KANSL1: variants seen among roughly 807,000 people sequenced by gnomAD.
KANSL1 encodes KAT8 regulatory NSL complex subunit 1.
Under a neutral mutation model 103.6 loss-of-function variants are expected in KANSL1, and 22 were observed. The observed-to-expected ratio is 0.21, with a 90% CI of 0.15 to 0.30. KANSL1 has a LOEUF of 0.30. KANSL1 is among the 10% of genes least tolerant of loss of function. The probability of loss-of-function intolerance (pLI) is 1.00; values close to 1 mark genes in which losing one functional copy is unlikely to be tolerated. For missense variants in KANSL1, 1,337 were observed against 1,399.8 expected (o/e 0.96, Z 0.72); for synonymous variants, 600 against 527.6 (o/e 1.14, Z -1.88).
intron 4 of KANSL1, among the ~76,000 whole-genome samples, chr17:46,070,973 T>A (rs1216532540): frequency 2.6e-5 from 4 of 152,184 alleles, no homozygotes; most frequent in African/African-American, 9.7e-5. Context: ...TTTATCTTTC[T>A]TATACAAAGT....
intron 2 of KANSL1, among the ~76,000 whole-genome samples, chr17:46,136,727 C>T (rs1461493989): frequency 6.6e-6 from 1 of 152,214 alleles, no homozygotes. Context: ...AAATTTACAT[C>T]ATATCCTTCT....
Position 46,171,251 on chromosome 17 carries a change from G to C in KANSL1, c.893C>G (p.Ala298Gly), listed in dbSNP as rs149363799. Residue 298 changes from alanine to glycine, a missense_variant, in exon 2 of 15, where the codon GCC becomes GGC. Ala to Gly is a moderately conservative substitution (Grantham distance 60). Coordinates refer to ENST00000432791, the MANE Select transcript of KANSL1 (RefSeq NM_015443.4). ...LRRQADIESR[A>G]RRLQKRLQVV... ...CTGTAAGCGCTTTTGTAATCTGCGG[G>C]CACGGCTCTCAATGTCAGCCTGTCG... The C allele has an allele frequency of 1.2e-6, 2 of 1,614,058 alleles. No individual in the cohort carries two copies. Among genetic ancestry groups the C allele is most frequent in the South Asian group, 2.2e-5 (2 of 91,088 alleles).
In KANSL1 at chr17:46,031,311, A is replaced by G; in HGVS notation, c.*165T>C. The G allele has an allele frequency of 1.4e-6, 1 of 729,596 alleles. No homozygotes were observed. The highest frequency in any genetic ancestry group is 2.2e-6 in the Non-Finnish European group (1 of 455,766). The allele number at this position is 729,596 out of a possible 1,614,324, so 45.2% of individuals were successfully genotyped here. On this transcript the variant is annotated 3_prime_UTR_variant, in exon 15 of 15. Transcript: ENST00000432791. Reference sequence around the variant, plus strand: ...GAAAACATGGAAACAAAAACAAAACAAAAATTAAAACAAGAAAAAAAAATA... The same window carrying G: ...GAAAACATGGAAACAAAAACAAAACGAAAATTAAAACAAGAAAAAAAAATA...
intron 2 of KANSL1, among the ~76,000 whole-genome samples, chr17:46,137,843 G>A (rs957267034): frequency 6.6e-6 from 1 of 151,410 alleles, no homozygotes; most frequent in Admixed American, 6.6e-5. Context: ...CTCAGGTCTG[G>A]GCGACACAGC....
intron 2 of KANSL1, among the ~76,000 whole-genome samples, chr17:46,117,703 C>T (rs2043104961): frequency 6.6e-6 from 1 of 152,178 alleles, no homozygotes; most frequent in African/African-American, 2.4e-5. Flanking sequence ...AAACTTCTAT[C>T]ATTCAAAAAC....
rs149566146 is a variant in KANSL1 at position 46,171,573 on chromosome 17, C to A, written c.571G>T (p.Gly191Cys). ...RALTSSALHG[G>C]EMGGSESGDL... is the part of the protein sequence containing the mutation. ...CCAGATTCAGATCCTCCCATTTCAC[C>A]CCCATGAAGAGCAGATGAAGTGAGA... The change falls in exon 2 of 15, where the codon GGT (glycine) becomes TGT (cysteine). Residue 191 changes from glycine to cysteine, a missense_variant. This residue lies in a region of KANSL1 where 557 missense variants were observed against 476.4 expected (regional missense o/e 1.17). Coordinates refer to ENST00000432791, the MANE Select transcript of KANSL1 (RefSeq NM_015443.4). The A allele has an allele frequency of 6.7e-4, 1,069 of 1,604,922 alleles. No individual in the cohort carries two copies. The highest frequency in any genetic ancestry group is 8.7e-4 in the Non-Finnish European group (1,026 of 1,176,116).
At chr17:46,111,428 T>G (rs2042800333) in intron 2 of KANSL1, among the ~76,000 whole-genome samples, 1 of 152,198 alleles carries the variant, frequency 6.6e-6, no homozygotes, top group Admixed American at 6.5e-5. Flanking sequence ...CAGGCTGGTC[T>G]CAAACTCCTG....
chr17:46,069,723 A>AAGAG (rs929822964), intron 4 of KANSL1, among the ~76,000 whole-genome samples: 6 of 151,518 alleles, frequency 4.0e-5, no homozygotes, highest in Non-Finnish European at 8.9e-5. Flanking sequence ...CAGCCTGGGA[A>AAGAG]AGAGAGAGAG....
intron 6 of KANSL1, among the ~76,000 whole-genome samples, chr17:46,050,910 G>T (rs1396710992): frequency 6.6e-6 from 1 of 152,216 alleles, no homozygotes; most frequent in Middle Eastern, 3.2e-3. Flanking sequence ...CCTTCAAAGT[G>T]GGTAAGGAAA....
At chr17:46,215,778 C>G (rs1027629776) in intron 1 of KANSL1, among the ~76,000 whole-genome samples, 1 of 152,218 alleles carries the variant, frequency 6.6e-6, no homozygotes, top group Non-Finnish European at 1.5e-5. Context: ...CAGTGGCTCA[C>G]GCCTGTAATC....
Position 46,039,148 on chromosome 17 carries a change from C to T in KANSL1, c.2271G>A (p.Val757=), listed in dbSNP as rs1598456648. Residue 757 remains valine (V), a synonymous_variant, in exon 9 of 15, where the codon GTG becomes GTA. Transcript: ENST00000432791. The stretch of plus-strand genomic sequence containing the variant: ...GCGCTGTCACTCGCTCCACCATGGG[C>T]ACGGCCCCCACATCGTCTAAGTGCT... ...HRQHLDDVGA[V]PMVERVTAPK... 6.2e-7 allele frequency: 1 copy of T among 1,612,210 alleles called. No individual in the cohort carries two copies. The highest frequency in any genetic ancestry group is 1.1e-5 in the South Asian group (1 of 90,894).
chr17:46,055,309 C>CA lies in KANSL1; in HGVS notation c.1849-4606dup, dbSNP rs977744013. On this transcript the variant is annotated intron_variant, in intron 6 of 14. Coordinates refer to ENST00000432791, the MANE Select transcript of KANSL1 (RefSeq NM_015443.4). ...TGAAACCTCGTCTCTACTAAAAATA[C>CA]AAAAAATTAGCCGGGCATGGTGGCG... 8.0e-4 allele frequency among the ~76,000 whole-genome samples: 121 copies of CA among 151,506 alleles called. 4 individuals are homozygous for CA. Among genetic ancestry groups the CA allele is most frequent in the East Asian group, 7.7e-3 (39 of 5,038 alleles).
upstream of KANSL1, chr17:46,193,731 C>T (rs971392058): frequency 1.6e-5 from 4 of 247,746 alleles, no homozygotes; most frequent in South Asian, 6.0e-5. Context: ...GCCCTCGCTG[C>T]GGCCGAGGTG....
intron 6 of KANSL1, among the ~76,000 whole-genome samples, chr17:46,054,855 C>CT (rs34563738): frequency 0.035 from 5,063 of 142,830 alleles, 219 homozygotes; most frequent in South Asian, 0.13. Flanking sequence ...TTCAAAGTAA[C>CT]TTTTTTTTTT....
At chr17:46,106,840 C>T (rs1031326414) in intron 2 of KANSL1, among the ~76,000 whole-genome samples, 1 of 129,602 alleles carries the variant, frequency 7.7e-6, no homozygotes, top group East Asian at 1.9e-4. Context: ...ACAAAACAAA[C>T]AAAAAAGTGA....
intron 6 of KANSL1, among the ~76,000 whole-genome samples, chr17:46,052,775 TTAAAA>T (rs1437359218): frequency 7.4e-6 from 1 of 134,688 alleles, no homozygotes; most frequent in African/African-American, 2.7e-5. Flanking sequence ...ACTCCATCTC[TTAAAA>T]TAAAATTTAA....
chr17:46,165,141 T>A (rs1038166997), intron 2 of KANSL1, among the ~76,000 whole-genome samples: 1 of 152,234 alleles, frequency 6.6e-6, no homozygotes, highest in Non-Finnish European at 1.5e-5. Flanking sequence ...ACATAAAAAG[T>A]AAAAAATGAC....
intron 2 of KANSL1, among the ~76,000 whole-genome samples, chr17:46,140,991 T>C (rs2044391728): frequency 1.3e-5 from 2 of 152,148 alleles, no homozygotes; most frequent in Admixed American, 1.3e-4. Flanking sequence ...AGGGCTACTT[T>C]ATGTGTTAAA....
upstream of KANSL1, chr17:46,196,157 G>A: frequency 5.5e-6 from 2 of 364,938 alleles, no homozygotes; most frequent in South Asian, 4.1e-5. Context: ...GGGATTGCTT[G>A]AGCCTGGGAG....
Sources: allele counts gnomAD v4.1 joint callset (sites outside exome capture counted in the v4.1 genomes callset), GRCh38; gene constraint gnomAD v4.1.1; regional missense constraint gnomAD v4.1.1; transcripts MANE v1.5; gene names NCBI Gene and HGNC (gene_info 2026-07-23, HGNC 2026-07-21).